Variants in PPP2R2B observed in about 807,000 individuals in gnomAD.
PPP2R2B encodes the protein serine/threonine-protein phosphatase 2A 55 kDa regulatory subunit B beta isoform.
Under a neutral mutation model 46.0 loss-of-function variants are expected in PPP2R2B, and 5 were observed. That is an observed-to-expected ratio of 0.11 (90% CI 0.06 to 0.23). The LOEUF is 0.23. Among genes scored for constraint, PPP2R2B ranks in the 10% least tolerant of loss-of-function variants. The pLI is 1.00. For synonymous variants in PPP2R2B, 215 were observed against 206.7 expected (o/e 1.04, Z -0.34); for missense variants, 367 against 575.0 (o/e 0.64, Z 3.70).
At chr5:146,946,063 C>T (rs554968849) in intron 1 of PPP2R2B, among the ~76,000 whole-genome samples, 4 of 152,222 alleles carry the variant, frequency 2.6e-5, no homozygotes, top group East Asian at 3.9e-4. Flanking sequence ...CCAAGCCAGC[C>T]GTTAGTCATG....
chr5:146,959,197 A>C (rs1297912648), intron 1 of PPP2R2B, among the ~76,000 whole-genome samples: 1 of 152,210 alleles, frequency 6.6e-6, no homozygotes, highest in Non-Finnish European at 1.5e-5. Context: ...CTTGGAAACT[A>C]AATAGAATTT....
intron 1 of PPP2R2B, among the ~76,000 whole-genome samples, chr5:146,897,900 G>T (rs1480092189): frequency 6.6e-6 from 1 of 152,114 alleles, no homozygotes; most frequent in Non-Finnish European, 1.5e-5. Context: ...CTCTTAAAAA[G>T]TAGGAAAGGC....
At chr5:146,641,422 G>C (rs887865969) in intron 6 of PPP2R2B, among the ~76,000 whole-genome samples, 37 of 151,846 alleles carry the variant, frequency 2.4e-4, no homozygotes, top group Admixed American at 1.0e-3. Flanking sequence ...ATCTCTTCTG[G>C]CTTTAGGCTT....
chr5:146,963,327 A>G (rs1752261977), intron 1 of PPP2R2B, among the ~76,000 whole-genome samples: 2 of 152,250 alleles, frequency 1.3e-5, no homozygotes, highest in East Asian at 1.9e-4. Context: ...CCTCCCAAAC[A>G]TTTTTATTCT....
intron 6 of PPP2R2B, among the ~76,000 whole-genome samples, chr5:146,644,622 A>G (rs1222525076): frequency 1.3e-5 from 2 of 152,206 alleles, no homozygotes; most frequent in African/African-American, 4.8e-5. Context: ...CAAAATGGGG[A>G]CCAGAGATTG....
In PPP2R2B at chr5:147,051,753, CTTTTTTTTTTTTTT is replaced by C. The variant is rs60522229; in HGVS notation, c.79+3898_79+3911del. Reference sequence around the variant, plus strand: ...GACTCTCTCATTTCTGTTTTGCTTCCTTTTTTTTTTTTTTTTTTTTTTTTTTTGAGATGGAGTCT... The same window carrying C: ...GACTCTCTCATTTCTGTTTTGCTTCCTTTTTTTTTTTTTGAGATGGAGTCT... On this transcript the variant is annotated intron_variant, in intron 1 of 8. Transcript: ENST00000336640. Among the ~76,000 whole-genome samples, 258 of 92,380 alleles carry C rather than the reference CTTTTTTTTTTTTTT, an allele frequency of 2.8e-3. 2 individuals are homozygous for C. Among genetic ancestry groups the C allele is most frequent in the East Asian group, 8.1e-3 (20 of 2,460 alleles). The allele number at this position is 92,380 out of a possible 152,430, so 60.6% of individuals were successfully genotyped here. A position where few individuals can be genotyped will look rare whatever the true frequency, so the allele number is the denominator to read the frequency against.
intron 2 of PPP2R2B, among the ~76,000 whole-genome samples, chr5:146,859,929 T>G (rs532498331): frequency 6.6e-6 from 1 of 152,144 alleles, no homozygotes; most frequent in South Asian, 2.1e-4. Context: ...AAATTCTATC[T>G]GAAGTTTACC....
chr5:146,835,147 G>A (rs1016001989), intron 2 of PPP2R2B, among the ~76,000 whole-genome samples: 5 of 152,036 alleles, frequency 3.3e-5, no homozygotes, highest in African/African-American at 7.2e-5. Context: ...AAATAATCTC[G>A]AAGATTTATG....
At chr5:147,005,162 C>T (rs999116975) in intron 1 of PPP2R2B, among the ~76,000 whole-genome samples, 3 of 152,178 alleles carry the variant, frequency 2.0e-5, no homozygotes, top group Non-Finnish European at 2.9e-5. Context: ...TGACTGCCAA[C>T]AAATTATAGT....
intron 2 of PPP2R2B, among the ~76,000 whole-genome samples, chr5:146,787,421 A>C (rs1388973984): frequency 1.3e-5 from 2 of 152,232 alleles, no homozygotes; most frequent in African/African-American, 4.8e-5. Context: ...CTCATTTAAA[A>C]TATTTTAACT....
At chr5:146,671,405 C>A (rs1777361926) in intron 5 of PPP2R2B, among the ~76,000 whole-genome samples, 1 of 152,118 alleles carries the variant, frequency 6.6e-6, no homozygotes, top group East Asian at 1.9e-4. Flanking sequence ...TTTGCATAAA[C>A]AAATAGAGCT....
At chr5:146,625,165 T>C (rs1404802355) in intron 7 of PPP2R2B, among the ~76,000 whole-genome samples, 1 of 152,268 alleles carries the variant, frequency 6.6e-6, no homozygotes, top group Admixed American at 6.5e-5. Context: ...AAAACTTATG[T>C]TCTAGTTTTC....
chr5:146,732,910 G>A lies in PPP2R2B; in HGVS notation c.71-31768C>T, dbSNP rs73320076. Among the ~76,000 whole-genome samples the A allele has an allele frequency of 3.9e-3, 589 of 152,278 alleles. 6 individuals are homozygous for A. The highest frequency in any genetic ancestry group is 0.013 in the African/African-American group (560 of 41,560). On this transcript the variant is annotated intron_variant, in intron 2 of 9. Transcript: ENST00000394411. ...TCAAGACCACACAGTTAATGAAGGA[G>A]GCTGATTCTAAAGCCCATCTTCTGC...
chr5:146,862,641 G>A (rs1297083520), intron 2 of PPP2R2B, among the ~76,000 whole-genome samples: 1 of 152,150 alleles, frequency 6.6e-6, no homozygotes, highest in East Asian at 1.9e-4. Flanking sequence ...CAGCCTCAAT[G>A]CTTTGAAGAT....
Position 146,588,391 on chromosome 5 carries a change from A to AAATT in PPP2R2B, c.*1552_*1555dup, listed in dbSNP as rs2150993272. ...TCACTATTTTTTCCTCCTCCAAAGC[A>AAATT]AATTACACTTGAAAGTCAGGACTTC... On this transcript the variant is annotated 3_prime_UTR_variant, in exon 10 of 10. Coordinates refer to ENST00000394411, the MANE Select transcript of PPP2R2B (RefSeq NM_181675.4). The AAATT allele has an allele frequency of 6.6e-6, 1 of 152,350 alleles. No individual in the cohort carries two copies. The highest frequency in any genetic ancestry group is 2.1e-4 in the South Asian group (1 of 4,822). 9.4% of individuals were successfully genotyped at this position (152,350 alleles called of 1,614,324 possible). A position where few individuals can be genotyped will look rare whatever the true frequency, so the allele number is the denominator to read the frequency against.
chr5:146,846,158 C>T (rs1166312936), intron 2 of PPP2R2B, among the ~76,000 whole-genome samples: 1 of 146,166 alleles, frequency 6.8e-6, no homozygotes, highest in African/African-American at 2.6e-5. Flanking sequence ...GGTGAGTGGA[C>T]TGCTTGAGCC....
chr5:146,760,988 A>G lies in PPP2R2B; in HGVS notation c.71-59846T>C, dbSNP rs896289553. Among the ~76,000 whole-genome samples, 35 of 152,294 alleles carry G rather than the reference A, an allele frequency of 2.3e-4. No individual in the cohort carries two copies. The South Asian group carries it at 4.3e-3, about 19-fold the overall frequency. ...GATACCATCTCACACCAGTTAGAATAGCGATCATTAAAAAGTCAGGAAACA... is the reference window on the plus strand; with the variant it reads ...GATACCATCTCACACCAGTTAGAATGGCGATCATTAAAAAGTCAGGAAACA... On this transcript the variant is annotated intron_variant, in intron 2 of 9. Transcript: ENST00000394411.
At chr5:146,836,660 T>C (rs1336328732) in intron 2 of PPP2R2B, among the ~76,000 whole-genome samples, 1 of 152,222 alleles carries the variant, frequency 6.6e-6, no homozygotes, top group Non-Finnish European at 1.5e-5. Context: ...ATTTTCAAAA[T>C]GCAAACATTT....
intron 2 of PPP2R2B, among the ~76,000 whole-genome samples, chr5:146,845,088 T>G (rs1759901743): frequency 6.6e-6 from 1 of 152,174 alleles, no homozygotes; most frequent in African/African-American, 2.4e-5. Flanking sequence ...TCTTTGCATA[T>G]GCGACAAGCC....
Sources: allele counts gnomAD v4.1 joint callset (sites outside exome capture counted in the v4.1 genomes callset), GRCh38; gene constraint gnomAD v4.1.1; transcripts MANE v1.5; gene names NCBI Gene and HGNC (gene_info 2026-07-23, HGNC 2026-07-21).